TMCC2: variants seen among roughly 807,000 people sequenced by gnomAD.
TMCC2 encodes transmembrane and coiled-coil domains protein 2.
A neutral mutation model predicts 49.4 loss-of-function variants in TMCC2; 16 were observed. The ratio of observed to expected loss-of-function variants is 0.32; its 90% confidence interval spans 0.22 to 0.49. The LOEUF (loss-of-function observed/expected upper bound fraction) is 0.49, where lower values mean the gene tolerates loss of function less well. TMCC2 is among the 20% of genes least tolerant of loss of function. The pLI is 0.99. For missense variants in TMCC2, 762 were observed against 989.8 expected (o/e 0.77, Z 3.09); for synonymous variants, 397 against 434.1 (o/e 0.91, Z 1.06).
Position 205,269,087 on chromosome 1 carries a change from G to T in TMCC2, c.885G>T (p.Lys295Asn). ...CCGCCATTGACCACCTGCACCAGAA[G>T]ATCCTGAAGATCACCGAGCAGATCA... ...TKAAIDHLHQ[K>N]ILKITEQIKI... Residue 295 changes from lysine to asparagine, a missense_variant, in exon 3 of 5, where the codon AAG (lysine) becomes AAT (asparagine). Lys to Asn is a moderately conservative substitution (Grantham distance 94, BLOSUM62 0). This residue lies in a region of TMCC2 where 440 missense variants were observed against 636.7 expected (regional missense o/e 0.69). Coordinates refer to ENST00000358024, the MANE Select transcript of TMCC2 (RefSeq NM_014858.4). 1 of 1,613,982 alleles carries T rather than the reference G, an allele frequency of 6.2e-7. No homozygotes were observed. Among genetic ancestry groups the T allele is most frequent in the East Asian group, 2.2e-5 (1 of 44,880 alleles).
chr1:205,235,904 C>T (rs1206450577), intron 1 of TMCC2, among the ~76,000 whole-genome samples: 1 of 151,956 alleles, frequency 6.6e-6, no homozygotes, highest in East Asian at 1.9e-4. Context: ...CCCGTCTCTA[C>T]TAAAAATACA....
At chr1:205,251,673 C>G (rs1660675220) in intron 2 of TMCC2, among the ~76,000 whole-genome samples, 2 of 152,334 alleles carry the variant, frequency 1.3e-5, no homozygotes, top group South Asian at 4.1e-4. Flanking sequence ...AGCTTCAGAT[C>G]CAAATATAAT....
chr1:205,268,910 A>C, intron 2 of TMCC2, 40 bp from the exon 3 acceptor site: 2 of 1,597,850 alleles, frequency 1.3e-6, no homozygotes, highest in Non-Finnish European at 1.7e-6. Flanking sequence ...CTATGGTCCC[A>C]GGGTTTACCC....
At chr1:205,245,522 A>T (rs1660421874) in intron 2 of TMCC2, among the ~76,000 whole-genome samples, 1 of 152,228 alleles carries the variant, frequency 6.6e-6, no homozygotes, top group Non-Finnish European at 1.5e-5. Context: ...TTTACCTTAG[A>T]TGATCACCAG....
intron 2 of TMCC2, among the ~76,000 whole-genome samples, chr1:205,245,066 C>A (rs1032912637): frequency 1.3e-5 from 2 of 152,050 alleles, no homozygotes; most frequent in Non-Finnish European, 2.9e-5. Flanking sequence ...TGGAGATGCC[C>A]CCTTGGACAG....
At chr1:205,271,647 T>C (rs1038953507) in intron 4 of TMCC2, 166 bp from the exon 5 acceptor site, 4 of 394,864 alleles carry the variant, frequency 1.0e-5, no homozygotes, top group African/African-American at 4.4e-5. Context: ...CAAAGAGTCA[T>C]CCTTAAAGGT....
chr1:205,228,830 C>T (rs1030075654), intron 1 of TMCC2, 59 bp downstream of exon 1: 2 of 1,525,808 alleles, frequency 1.3e-6, no homozygotes, highest in African/African-American at 2.8e-5. Context: ...CGCCACCCCA[C>T]GCAGAAGTGC....
intron 2 of TMCC2, among the ~76,000 whole-genome samples, chr1:205,243,950 T>C (rs1463010862): frequency 1.3e-5 from 2 of 152,152 alleles, no homozygotes; most frequent in Non-Finnish European, 2.9e-5. Flanking sequence ...AGCAGTCAGA[T>C]GGATAGAAGT....
At position 205,228,526 on chromosome 1, in the gene TMCC2, G is replaced by C; in HGVS notation, c.-39G>C. The C allele has an allele frequency of 6.4e-7, 1 of 1,559,406 alleles. No individual in the cohort carries two copies. The highest frequency in any genetic ancestry group is 1.4e-5 in the African/African-American group (1 of 73,678). ...GGTGCGGTCTTCCCCAAGACGGCGC[G>C]CTGGAAGGACAGATTCCCCTTGCCG... On this transcript the variant is annotated 5_prime_UTR_variant, in exon 1 of 5. Coordinates refer to ENST00000358024, the MANE Select transcript of TMCC2 (RefSeq NM_014858.4).
rs760443851 is a variant in TMCC2, at chr1:205,269,663, C to G, written c.1461C>G (p.Ala487=). The G allele has an allele frequency of 2.5e-6, 4 of 1,613,690 alleles. No individual in the cohort carries two copies. The highest frequency in any genetic ancestry group is 3.4e-6 in the Non-Finnish European group (4 of 1,179,928). Reference sequence around the variant, plus strand: ...GCTCCAGCGCCAGCGCCAGCTCAGCCGGGGCAGGCAGCAACTCTGGGGCTG... The same window carrying G: ...GCTCCAGCGCCAGCGCCAGCTCAGCGGGGGCAGGCAGCAACTCTGGGGCTG... ...DECSSASASS[A]GAGSNSGAGP... Residue 487 remains alanine, a synonymous_variant, in exon 3 of 5, where the codon GCC becomes GCG. Coordinates refer to ENST00000358024, the MANE Select transcript of TMCC2 (RefSeq NM_014858.4).
chr1:205,229,168 T>A, intron 1 of TMCC2: 1 of 787,880 alleles, frequency 1.3e-6, no homozygotes, highest in Non-Finnish European at 1.5e-6. Context: ...TGTGTGTGTG[T>A]GTGTGTGTGT....
At position 205,228,766 on chromosome 1, in the gene TMCC2, T is replaced by C; in HGVS notation, c.202T>C (p.Leu68=). 1 of 1,603,144 alleles carries C rather than the reference T, an allele frequency of 6.2e-7. No individual in the cohort carries two copies. The highest frequency in any genetic ancestry group is 8.5e-7 in the Non-Finnish European group (1 of 1,175,994). The stretch of plus-strand genomic sequence containing the variant: ...AGGTCCCCGAAGCAAGCCTCCTGAT[T>C]TAAAGGTGAGCGCAGACCATCCCCC... ...NPGPRSKPPD[L]KKIQQLSEGS... Residue 68 remains leucine (L), a synonymous_variant, in exon 1 of 5, where the codon TTA becomes CTA. Transcript: ENST00000358024.
intron 2 of TMCC2, chr1:205,257,338 C>A (rs1454109025): frequency 8.1e-7 from 1 of 1,232,094 alleles, no homozygotes; most frequent in Non-Finnish European, 1.0e-6. Flanking sequence ...TCATCGCCGG[C>A]ACGGCTTCGG....
chr1:205,257,085 C>A (rs1032147426), intron 2 of TMCC2: 3 of 1,120,552 alleles, frequency 2.7e-6, no homozygotes, highest in African/African-American at 1.6e-5. Flanking sequence ...GGTCCTCCCG[C>A]GCTCGGTGAT....
At position 205,234,424 on chromosome 1, in the gene TMCC2, C is replaced by T. The variant is rs146200464; in HGVS notation, c.207+5653C>T. ...TCGTGCCACTGCACTCCAGCCTGGGCGACAGAGCGAGACTCTGTCTCAAAA... is the reference window on the plus strand; with the variant it reads ...TCGTGCCACTGCACTCCAGCCTGGGTGACAGAGCGAGACTCTGTCTCAAAA... On this transcript the variant is annotated intron_variant, in intron 1 of 4. Coordinates refer to ENST00000358024, the MANE Select transcript of TMCC2 (RefSeq NM_014858.4). Among the ~76,000 whole-genome samples, 520 of 151,948 alleles carry T rather than the reference C, an allele frequency of 3.4e-3. 5 individuals carry two copies. The highest frequency in any genetic ancestry group is 0.012 in the African/African-American group (482 of 41,442).
At chr1:205,248,239 T>C (rs1660530226) in intron 2 of TMCC2, among the ~76,000 whole-genome samples, 1 of 152,126 alleles carries the variant, frequency 6.6e-6, no homozygotes, top group Non-Finnish European at 1.5e-5. Context: ...AGACCCTGTC[T>C]CTACAAAAAG....
chr1:205,239,957 A>C (rs1660202704), intron 1 of TMCC2, among the ~76,000 whole-genome samples: 2 of 152,016 alleles, frequency 1.3e-5, no homozygotes, highest in Admixed American at 1.3e-4. Context: ...TCTGCTCTGT[A>C]AGTTTGTTTC....
chr1:205,244,560 CTGTCTGGTGT>C (rs1660387894), intron 2 of TMCC2, among the ~76,000 whole-genome samples: 1 of 152,118 alleles, frequency 6.6e-6, no homozygotes, highest in Non-Finnish European at 1.5e-5. Context: ...CACGGGTGAC[CTGTCTGGTGT>C]TGTAGAGGCT....
intron 2 of TMCC2, among the ~76,000 whole-genome samples, chr1:205,261,196 CTTTTTT>C (rs34247734): frequency 1.0e-5 from 1 of 95,264 alleles, no homozygotes; most frequent in Non-Finnish European, 2.0e-5. Context: ...CACTTATTTC[CTTTTTT>C]TTTTTTTTTT....
Sources: gnomAD v4.1 joint callset for allele counts (sites outside exome capture counted in the v4.1 genomes callset) on GRCh38, gnomAD v4.1.1 for gene constraint, gnomAD v4.1.1 regional missense constraint, MANE v1.5 for transcripts, NCBI Gene and HGNC (gene_info 2026-07-23, HGNC 2026-07-21) for gene names.